MRPS28: variants seen among roughly 807,000 people sequenced by gnomAD.
The protein encoded by MRPS28 is mitochondrial ribosomal protein S28, also known as small ribosomal subunit protein bS1m.
In MRPS28, 7 loss-of-function variants were observed where a neutral mutation model predicts 10.8. The ratio of observed to expected loss-of-function variants is 0.65; its 90% CI spans 0.37 to 1.22. MRPS28 has a LOEUF of 1.22. Ranked by LOEUF, MRPS28 falls within the 50% of genes most tolerant of loss-of-function variation. The probability of loss-of-function intolerance (pLI) is 0.02; values close to 1 mark genes in which losing one functional copy is unlikely to be tolerated. For synonymous variants in MRPS28, 121 were observed against 93.3 expected (o/e 1.30, Z -1.71); for missense variants, 265 against 232.9 (o/e 1.14, Z -0.90).
intron 2 of MRPS28, among the ~76,000 whole-genome samples, chr8:79,992,121 G>A (rs1016684545): frequency 1.1e-4 from 17 of 152,182 alleles, no homozygotes; most frequent in Admixed American, 1.1e-3. Context: ...TCCAGCCCCA[G>A]TCAAGCCTTC....
At chr8:79,926,016 A>G (rs957303069) in intron 2 of MRPS28, among the ~76,000 whole-genome samples, 1 of 151,884 alleles carries the variant, frequency 6.6e-6, no homozygotes, top group East Asian at 1.9e-4. Context: ...AAAAGAAAAA[A>G]AGAGAGAAAA....
chr8:79,961,374 A>C (rs190908225), intron 2 of MRPS28, among the ~76,000 whole-genome samples: 19 of 152,250 alleles, frequency 1.2e-4, no homozygotes, highest in Admixed American at 1.0e-3. Flanking sequence ...ACAGATGTTC[A>C]GCTTCCAACT....
At chr8:79,972,670 G>A (rs1807665421) in intron 2 of MRPS28, among the ~76,000 whole-genome samples, 1 of 152,066 alleles carries the variant, frequency 6.6e-6, no homozygotes, top group Non-Finnish European at 1.5e-5. Context: ...TCTGTTAACA[G>A]GTAACTGAAG....
intron 1 of MRPS28, among the ~76,000 whole-genome samples, chr8:80,026,926 T>A (rs980593439): frequency 2.0e-5 from 3 of 152,168 alleles, no homozygotes; most frequent in Non-Finnish European, 4.4e-5. Context: ...AAAAAAATTA[T>A]TTTTTAGAGT....
chr8:80,026,318 A>C (rs1470793586), intron 1 of MRPS28, among the ~76,000 whole-genome samples: 1 of 152,222 alleles, frequency 6.6e-6, no homozygotes, highest in African/African-American at 2.4e-5. Context: ...GTAAATACTA[A>C]AACTAAAACT....
intron 2 of MRPS28, among the ~76,000 whole-genome samples, chr8:79,972,919 AATTG>A (rs1335791631): frequency 1.3e-5 from 2 of 152,202 alleles, no homozygotes; most frequent in African/African-American, 4.8e-5. Context: ...AAAAAGGAAA[AATTG>A]ATTGAATGCT....
intron 2 of MRPS28, among the ~76,000 whole-genome samples, chr8:79,977,525 A>G (rs1252028362): frequency 6.6e-6 from 1 of 152,172 alleles, no homozygotes; most frequent in Non-Finnish European, 1.5e-5. Flanking sequence ...ATAATAAACA[A>G]AAGAATACAG....
chr8:79,971,134 T>C lies in MRPS28; in HGVS notation c.395+31865A>G, dbSNP rs189811269. On this transcript the variant is annotated intron_variant, in intron 2 of 2. Transcript: ENST00000276585. ...ATCAGTGTGTCTAAATGCATATTTG[T>C]TGACAGCTGTAATCAGATCATTTCC... 4.7e-4 allele frequency among the ~76,000 whole-genome samples: 72 copies of C among 152,334 alleles called. 1 individual carries two copies. Among genetic ancestry groups the C allele is most frequent in the Non-Finnish European group, 2.4e-4 (16 of 68,024 alleles).
rs189170990 is a variant in MRPS28, at chr8:79,983,436, C to T, written c.395+19563G>A. Reference sequence around the variant, plus strand: ...AAAGCTGGACGGAGAATGACTTTGACGAGTTGAGAGAAGAAGGCTTCAGAC... The same window carrying T: ...AAAGCTGGACGGAGAATGACTTTGATGAGTTGAGAGAAGAAGGCTTCAGAC... On this transcript the variant is annotated intron_variant, in intron 2 of 2. Coordinates refer to ENST00000276585, the MANE Select transcript of MRPS28 (RefSeq NM_014018.3). 2.3e-3 allele frequency among the ~76,000 whole-genome samples: 346 copies of T among 152,216 alleles called. 1 individual carries two copies. The highest frequency in any genetic ancestry group is 8.0e-3 in the African/African-American group (332 of 41,532).
intron 2 of MRPS28, among the ~76,000 whole-genome samples, chr8:79,935,172 T>C (rs1206535035): frequency 6.6e-6 from 1 of 152,176 alleles, no homozygotes; most frequent in Non-Finnish European, 1.5e-5. Flanking sequence ...ATTACGATAC[T>C]TTCCCATCAC....
intron 2 of MRPS28, among the ~76,000 whole-genome samples, chr8:79,991,245 TG>T (rs1310497537): frequency 6.6e-6 from 1 of 152,162 alleles, no homozygotes; most frequent in East Asian, 1.9e-4. Context: ...GTTTGAAATT[TG>T]TCTGAAATTA....
intron 1 of MRPS28, among the ~76,000 whole-genome samples, chr8:80,011,083 G>T (rs1432818209): frequency 6.6e-6 from 1 of 151,960 alleles, no homozygotes; most frequent in African/African-American, 2.4e-5. Flanking sequence ...CCCTTTAGAG[G>T]TAGTGTAAAA....
At position 79,918,793 on chromosome 8, in the gene MRPS28, A is replaced by G; in HGVS notation, c.*187T>C. The G allele has an allele frequency of 3.6e-6, 1 of 278,078 alleles. No homozygotes were observed. Among genetic ancestry groups the G allele is most frequent in the Non-Finnish European group, 6.3e-6 (1 of 158,150 alleles). 17.2% of individuals were successfully genotyped at this position (278,078 alleles called of 1,614,324 possible). On this transcript the variant is annotated 3_prime_UTR_variant, in exon 3 of 3. Coordinates refer to ENST00000276585, the MANE Select transcript of MRPS28 (RefSeq NM_014018.3). ...ATACTATCCCCACCAAAGGAAAAAAACATTAAGAGCAAAACAAGGGGTGGG... is the reference window on the plus strand; with the variant it reads ...ATACTATCCCCACCAAAGGAAAAAAGCATTAAGAGCAAAACAAGGGGTGGG...
At chr8:79,968,748 C>T (rs986005723) in intron 2 of MRPS28, among the ~76,000 whole-genome samples, 5 of 151,594 alleles carry the variant, frequency 3.3e-5, no homozygotes, top group Non-Finnish European at 7.4e-5. Context: ...GTTCAATTGT[C>T]ACCTACTCTG....
chr8:80,007,051 C>G (rs1422310335), intron 1 of MRPS28, among the ~76,000 whole-genome samples: 1 of 152,212 alleles, frequency 6.6e-6, no homozygotes, highest in Non-Finnish European at 1.5e-5. Context: ...AATCCAGCAG[C>G]ACATCAAAAA....
At chr8:79,959,177 C>T (rs559572499) in intron 2 of MRPS28, among the ~76,000 whole-genome samples, 15 of 152,042 alleles carry the variant, frequency 9.9e-5, no homozygotes, top group African/African-American at 1.7e-4. Context: ...TATTGCTAAC[C>T]GACTTTAATA....
In MRPS28 at chr8:80,030,041, G is replaced by A. The variant is rs1284837229; in HGVS notation, c.208C>T (p.Gln70Ter). Residue 70 changes from glutamine to a stop codon, truncating the protein, a stop_gained, in exon 1 of 3, where the codon CAG (glutamine) becomes TAG (stop). Transcript: ENST00000276585. LOFTEE classifies it high-confidence loss of function. The part of the protein sequence containing the change: ...SELLQKVEPL[Q>*]KGSPKNVESF... ...CTCACCCGCCCGGGCTCCACCTTCTGTAGGGGCTCCACCTTCTGTAGAAGC... is the reference window on the plus strand; with the variant it reads ...CTCACCCGCCCGGGCTCCACCTTCTATAGGGGCTCCACCTTCTGTAGAAGC... The A allele has an allele frequency of 6.2e-7, 1 of 1,613,210 alleles. No individual in the cohort carries two copies. Among genetic ancestry groups the A allele is most frequent in the South Asian group, 1.1e-5 (1 of 90,986 alleles).
chr8:79,999,072 G>A (rs755758896), intron 2 of MRPS28, among the ~76,000 whole-genome samples: 2 of 152,110 alleles, frequency 1.3e-5, no homozygotes, highest in Non-Finnish European at 2.9e-5. Flanking sequence ...AAAAAAAAGG[G>A]CAGGCTGATG....
At chr8:79,986,039 G>C (rs979826661) in intron 2 of MRPS28, among the ~76,000 whole-genome samples, 1 of 152,078 alleles carries the variant, frequency 6.6e-6, no homozygotes, top group Non-Finnish European at 1.5e-5. Context: ...AAAATACTGG[G>C]AAACTGAATC....
Sources: allele counts gnomAD v4.1 joint callset (sites outside exome capture counted in the v4.1 genomes callset), GRCh38; gene constraint gnomAD v4.1.1; transcripts MANE v1.5; gene names NCBI Gene and HGNC (gene_info 2026-07-23, HGNC 2026-07-21).